SLC26A11: variants seen among roughly 807,000 people sequenced by gnomAD.
The protein encoded by SLC26A11 is solute carrier family 26 member 11.
SLC26A11 carries 58 observed loss-of-function variants against 62.2 expected under a neutral mutation model. The ratio of observed to expected loss-of-function variants is 0.93; its 90% confidence interval spans 0.76 to 1.16. The LOEUF (loss-of-function observed/expected upper bound fraction) is 1.16, where lower values mean the gene tolerates loss of function less well. Ranked by LOEUF, SLC26A11 falls within the 50% of genes most tolerant of loss-of-function variation. The pLI is 0.00. For missense variants in SLC26A11, 790 were observed against 794.3 expected, an observed-to-expected ratio of 0.99 and a Z score of 0.06; for synonymous variants, 411 against 368.9, an observed-to-expected ratio of 1.11 and a Z score of -1.31.
chr17:80,236,864 G>T, intron 7 of SLC26A11, 64 bp from the exon 8 acceptor site: 2 of 1,538,230 alleles, frequency 1.3e-6, no homozygotes, highest in South Asian at 2.4e-5. Context: ...TAACCTGGAG[G>T]CAGCCGCGCT....
chr17:80,221,702 C>T lies in SLC26A11; in HGVS notation c.142C>T (p.Leu48=). 1 of 1,613,754 alleles carries T rather than the reference C, an allele frequency of 6.2e-7. No homozygotes were observed. Among genetic ancestry groups the T allele is most frequent in the Non-Finnish European group, 8.5e-7 (1 of 1,180,028 alleles). The change falls in exon 3 of 18, where the codon CTG becomes TTG. Residue 48 remains leucine (L), a synonymous_variant. Transcript: ENST00000361193. ...GCTGCCCAGCTACTCCCTGCAGTGG[C>T]TGAAGATGGATTTCGTCGCCGGCCT... ...AWLPSYSLQW[L]KMDFVAGLSV...
chr17:80,236,770 A>C (rs79955395), intron 7 of SLC26A11, 158 bp from the exon 8 acceptor site: 10 of 752,912 alleles, frequency 1.3e-5, no homozygotes, highest in African/African-American at 3.5e-5. Context: ...CATAGCATTT[A>C]TGTCTGTGTT....
Position 80,249,302 on chromosome 17 carries a change from G to A in SLC26A11, c.1656+15G>A. On this transcript the variant is annotated intron_variant, in intron 16 of 17. Coordinates refer to ENST00000361193, the MANE Select transcript of SLC26A11 (RefSeq NM_001166347.2). ...TGGGCCTGCAGGTGGGTGTGCACTG[G>A]GCTGCCTTAGGGGTTAGCAGCTGCC... 1 of 1,608,766 alleles carries A rather than the reference G, an allele frequency of 6.2e-7. No homozygotes were observed. Among genetic ancestry groups the A allele is most frequent in the African/African-American group, 1.3e-5 (1 of 75,032 alleles).
chr17:80,220,467 C>A lies in SLC26A11; in HGVS notation c.-243C>A. On this transcript the variant is annotated 5_prime_UTR_variant, in exon 1 of 18. Transcript: ENST00000361193. ...CCTGCGGACCCAGCTGCGGCGACGCCAGGAGACCCCAAGCTGCATCGCCGA... is the reference window on the plus strand; with the variant it reads ...CCTGCGGACCCAGCTGCGGCGACGCAAGGAGACCCCAAGCTGCATCGCCGA... The A allele has an allele frequency of 1.6e-6, 1 of 643,924 alleles. No individual in the cohort carries two copies. Among genetic ancestry groups the A allele is most frequent in the Non-Finnish European group, 2.4e-6 (1 of 422,348 alleles). The allele number at this position is 643,924 out of a possible 1,614,324, so 39.9% of individuals were successfully genotyped here.
At chr17:80,226,606 C>A (rs1448268241) in intron 6 of SLC26A11, among the ~76,000 whole-genome samples, 3 of 152,168 alleles carry the variant, frequency 2.0e-5, no homozygotes, top group African/African-American at 7.2e-5. Flanking sequence ...GAGGCTGAGG[C>A]AGGAGGATTG....
chr17:80,226,741 G>A (rs2042424452), intron 6 of SLC26A11, among the ~76,000 whole-genome samples: 1 of 152,200 alleles, frequency 6.6e-6, no homozygotes, highest in Non-Finnish European at 1.5e-5. Context: ...CCTCTGATGA[G>A]GGGTACCTCC....
chr17:80,241,535 T>C (rs1567961251), intron 9 of SLC26A11, among the ~76,000 whole-genome samples: 2 of 152,280 alleles, frequency 1.3e-5, no homozygotes, highest in South Asian at 4.1e-4. Flanking sequence ...GCTGCGATTA[T>C]AGCTGTGAGC....
rs754225039 is a variant in SLC26A11, at chr17:80,249,160, C to T, written c.1529C>T (p.Pro510Leu). The T allele has an allele frequency of 1.4e-5, 23 of 1,606,786 alleles. No individual in the cohort carries two copies. Among genetic ancestry groups the T allele is most frequent in the Admixed American group, 5.0e-5 (3 of 59,874 alleles). The change falls in exon 16 of 18, where the codon CCG becomes CTG. Residue 510 changes from proline (P) to leucine (L), a missense_variant. By Grantham distance (98) the Pro-to-Leu change is moderately conservative. Coordinates refer to ENST00000361193, the MANE Select transcript of SLC26A11 (RefSeq NM_001166347.2). ...EILSRALEVSPPRCLVLECTH... is the reference protein window; with the variant it reads ...EILSRALEVSLPRCLVLECTH... Reference sequence around the variant, plus strand: ...CTCGGGCCTGTCTCCCCAGTGTCCCCGCCACGCTGCCTGGTCCTGGAGTGC... The same window carrying T: ...CTCGGGCCTGTCTCCCCAGTGTCCCTGCCACGCTGCCTGGTCCTGGAGTGC...
At chr17:80,233,811 T>C (rs201757933) in intron 7 of SLC26A11, among the ~76,000 whole-genome samples, 9 of 129,772 alleles carry the variant, frequency 6.9e-5, no homozygotes, top group African/African-American at 2.4e-4. Context: ...ACTCCTGGGC[T>C]CAAGGGATCC....
chr17:80,231,124 T>G (rs1280694288), intron 7 of SLC26A11, among the ~76,000 whole-genome samples: 1 of 150,858 alleles, frequency 6.6e-6, no homozygotes, highest in African/African-American at 2.4e-5. Context: ...TTCTATTTAT[T>G]TTCAGTTAAC....
chr17:80,223,366 C>G lies in SLC26A11; in HGVS notation c.513+29C>G. 1 of 1,608,006 alleles carries G rather than the reference C, an allele frequency of 6.2e-7. No homozygotes were observed. Among genetic ancestry groups the G allele is most frequent in the East Asian group, 2.2e-5 (1 of 44,806 alleles). ...GGCACGGCGCCCACCCAGGGCACTG[C>G]TCTTTGGCCACTGCTCGTTGGCACA... On this transcript the variant is annotated intron_variant, in intron 5 of 17. Transcript: ENST00000361193. The surrounding 1 kb of genome is among the most constrained non-coding windows in gnomAD (Gnocchi z 4.6).
chr17:80,246,676 C>G lies in SLC26A11; in HGVS notation c.1294+27C>G. The G allele has an allele frequency of 6.2e-7, 1 of 1,608,394 alleles. No homozygotes were observed. Among genetic ancestry groups the G allele is most frequent in the South Asian group, 1.1e-5 (1 of 90,322 alleles). On this transcript the variant is annotated intron_variant, in intron 13 of 17. Coordinates refer to ENST00000361193, the MANE Select transcript of SLC26A11 (RefSeq NM_001166347.2). This position sits in a 1 kb window ranked among gnomAD's most constrained non-coding sequence, Gnocchi z 4.4. Reference sequence around the variant, plus strand: ...TACGTCCTTGTCCTACAGGGGAGAGCGCTGTGATGCGGTGTCTGAACGCGG... The same window carrying G: ...TACGTCCTTGTCCTACAGGGGAGAGGGCTGTGATGCGGTGTCTGAACGCGG...
rs577207309 is a variant in SLC26A11 at position 80,228,675 on chromosome 17, GCAAA to G, written c.736+718_736+721del. Reference sequence around the variant, plus strand: ...CCCTGACGGCGCACAGCCTTCCACAGCAAACAGTGATCCGGCCCAAAATGTCGGC... The same window carrying G: ...CCCTGACGGCGCACAGCCTTCCACAGCAGTGATCCGGCCCAAAATGTCGGC... On this transcript the variant is annotated intron_variant, in intron 7 of 17. Coordinates refer to ENST00000361193, the MANE Select transcript of SLC26A11 (RefSeq NM_001166347.2). This position sits in a 1 kb window ranked among gnomAD's most constrained non-coding sequence, Gnocchi z 4.1. Among the ~76,000 whole-genome samples, 114 of 152,370 alleles carry G rather than the reference GCAAA, an allele frequency of 7.5e-4. No homozygotes were observed. The Middle Eastern group carries it at 0.01, about 14-fold the overall frequency.
chr17:80,242,204 C>T (rs1471375876), intron 10 of SLC26A11, among the ~76,000 whole-genome samples: 9 of 152,164 alleles, frequency 5.9e-5, no homozygotes, highest in East Asian at 3.9e-4. Flanking sequence ...CTCGAACTCC[C>T]GACCTCAGGT....
rs752166293 is a variant in SLC26A11, at chr17:80,252,756, C to T, written c.*40C>T. 1.0e-5 allele frequency: 16 copies of T among 1,574,602 alleles called. No homozygotes were observed. Among genetic ancestry groups the T allele is most frequent in the Admixed American group, 3.4e-5 (2 of 58,840 alleles). On this transcript the variant is annotated 3_prime_UTR_variant, in exon 18 of 18. Transcript: ENST00000361193. The surrounding 1 kb of genome is among the most constrained non-coding windows in gnomAD (Gnocchi z 5.2). ...GGCATCCACAGTTTGCAGGGTGTTC[C>T]GGAAGGTTCTTGTCACTGTGATTGG...
chr17:80,224,003 C>T (rs920914220), intron 5 of SLC26A11, among the ~76,000 whole-genome samples: 3 of 152,094 alleles, frequency 2.0e-5, no homozygotes, highest in East Asian at 1.9e-4. Context: ...TGAAGTGAGC[C>T]CAATTCCACA....
At chr17:80,238,179 G>C (rs114230869) in intron 9 of SLC26A11, among the ~76,000 whole-genome samples, 1 of 152,230 alleles carries the variant, frequency 6.6e-6, no homozygotes, top group South Asian at 2.1e-4. Flanking sequence ...GCAACGTAAC[G>C]AGACCTCGTT....
In SLC26A11 at chr17:80,241,779, A is replaced by G. The variant is rs754532565; in HGVS notation, c.994A>G (p.Asn332Asp). The change falls in exon 10 of 18, where the codon AAT becomes GAT. Residue 332 changes from asparagine to aspartate, a missense_variant. Asn to Asp is a conservative substitution (Grantham distance 23). Coordinates refer to ENST00000361193, the MANE Select transcript of SLC26A11 (RefSeq NM_001166347.2). ...CCGTTGGTTCCCTTTAGCATCTCAGAATAATTACCGCATCGATGCCAACCA... is the reference window on the plus strand; with the variant it reads ...CCGTTGGTTCCCTTTAGCATCTCAGGATAATTACCGCATCGATGCCAACCA... ...IAVAKAFASQNNYRIDANQEL... is the reference protein window; with the variant it reads ...IAVAKAFASQDNYRIDANQEL... 1.2e-6 allele frequency: 2 copies of G among 1,614,194 alleles called. No individual in the cohort carries two copies. The highest frequency in any genetic ancestry group is 1.7e-6 in the Non-Finnish European group (2 of 1,180,032).
Position 80,222,653 on chromosome 17 carries a change from A to G in SLC26A11, c.235-2A>G. The G allele has an allele frequency of 1.2e-6, 2 of 1,613,626 alleles. No homozygotes were observed. The highest frequency in any genetic ancestry group is 1.7e-6 in the Non-Finnish European group (2 of 1,179,708). On this transcript the variant is annotated splice_acceptor_variant, in intron 3 of 17. Transcript: ENST00000361193. LOFTEE classifies it high-confidence loss of function. The surrounding 1 kb of genome is among the most constrained non-coding windows in gnomAD (Gnocchi z 4.7). ...AGTGCTCACCACCCTCTCTCCCCAC[A>G]GTATGGCCTCTACTCTGCCTTCATG... is the stretch of plus-strand genomic sequence containing the variant.
Sources: allele counts gnomAD v4.1 joint callset (sites outside exome capture counted in the v4.1 genomes callset), GRCh38; gene constraint gnomAD v4.1.1; non-coding constraint Gnocchi (gnomAD v3.1); transcripts MANE v1.5; gene names NCBI Gene and HGNC (gene_info 2026-07-23, HGNC 2026-07-21).